The following DPH6 variants were observed in gnomAD, a reference collection of about 807,000 sequenced individuals.
The protein encoded by DPH6 is diphthine--ammonia ligase.
A neutral mutation model predicts 38.2 loss-of-function variants in DPH6; 33 were observed. The ratio of observed to expected loss-of-function variants is 0.86; its 90% confidence interval spans 0.65 to 1.15. DPH6 has a LOEUF of 1.15. Among genes scored for constraint, DPH6 ranks in the 50% most tolerant of loss-of-function variants. The probability of loss-of-function intolerance (pLI) is 0.00; values close to 1 mark genes in which losing one functional copy is unlikely to be tolerated. For synonymous variants in DPH6, 108 were observed against 103.0 expected, an observed-to-expected ratio of 1.05 and a Z score of -0.30; for missense variants, 325 against 320.0, an observed-to-expected ratio of 1.02 and a Z score of -0.12.
At chr15:35,390,012 C>T (rs1331585313) in intron 6 of DPH6, among the ~76,000 whole-genome samples, 1 of 152,162 alleles carries the variant, frequency 6.6e-6, no homozygotes, top group Non-Finnish European at 1.5e-5. Context: ...GTGCTTCCTT[C>T]AGGAGCTCTT....
At position 35,386,075 on chromosome 15, in the gene DPH6, C is replaced by T. The variant is rs556470912; in HGVS notation, c.568-4159G>A. Among the ~76,000 whole-genome samples the T allele has an allele frequency of 5.9e-5, 9 of 152,164 alleles. No homozygotes were observed. In the South Asian group the frequency reaches 1.9e-3, roughly 32 times the overall value. The stretch of plus-strand genomic sequence containing the variant: ...TGTGTTCTCTTTGTTCAATTCCCAC[C>T]TATGGGGTGAGAACATATGGTGTTT... On this transcript the variant is annotated intron_variant, in intron 6 of 8. Transcript: ENST00000256538.
chr15:35,164,734 T>C, the DPH6 span, among the ~76,000 whole-genome samples: 1 of 151,940 alleles, frequency 6.6e-6, no homozygotes, highest in East Asian at 1.9e-4. Context: ...TAACAGTGAA[T>C]GCCAACCAAA....
At chr15:35,222,503 C>T (rs756635134) in intron 3 of DPH6, among the ~76,000 whole-genome samples, 4 of 152,048 alleles carry the variant, frequency 2.6e-5, no homozygotes, top group Non-Finnish European at 5.9e-5. Context: ...GTAAAATGTA[C>T]AGTGGTTTGG....
At chr15:35,359,618 C>A (rs964759041) in intron 3 of DPH6, among the ~76,000 whole-genome samples, 21 of 152,292 alleles carry the variant, frequency 1.4e-4, no homozygotes, top group African/African-American at 5.1e-4. Context: ...AAGTCGGAAA[C>A]TTCTCCCATA....
intron 3 of DPH6, among the ~76,000 whole-genome samples, chr15:35,245,903 C>G (rs1194986611): frequency 1.3e-5 from 2 of 152,190 alleles, no homozygotes; most frequent in Non-Finnish European, 2.9e-5. Flanking sequence ...TGTCAGGCCT[C>G]TGGGCCCAAG....
chr15:35,496,567 A>AAAATAT lies in DPH6; in HGVS notation c.312+41706_312+41707insATATTT. Among the ~76,000 whole-genome samples, 39 of 31,006 alleles carry AAAATAT rather than the reference A, an allele frequency of 1.3e-3. 1 individual carries two copies. The highest frequency in any genetic ancestry group is 1.6e-3 in the Non-Finnish European group (31 of 19,036). The allele number at this position is 31,006 out of a possible 152,430, so 20.3% of individuals were successfully genotyped here. A position where few individuals can be genotyped will look rare whatever the true frequency, so the allele number is the denominator to read the frequency against. On this transcript the variant is annotated intron_variant, in intron 3 of 8. Coordinates refer to ENST00000256538, the MANE Select transcript of DPH6 (RefSeq NM_080650.4). ...GAAAGTTCCATCTCAAAAAAAAAAA[A>AAAATAT]ATATATATATATATATATATATATC...
intron 3 of DPH6, chr15:35,299,212 GC>G: frequency 7.7e-7 from 1 of 1,297,444 alleles, no homozygotes; most frequent in Non-Finnish European, 1.1e-6. Context: ...GGATCCTTCA[GC>G]CCAGCTGGCA....
At chr15:35,475,167 G>C (rs1159393250) in intron 3 of DPH6, among the ~76,000 whole-genome samples, 2 of 151,882 alleles carry the variant, frequency 1.3e-5, no homozygotes, top group Non-Finnish European at 1.5e-5. Context: ...AATAGAGAGA[G>C]GAAGGAGAGT....
intron 3 of DPH6, chr15:35,298,888 G>A: frequency 1.1e-6 from 1 of 948,808 alleles, no homozygotes; most frequent in South Asian, 1.3e-5. Flanking sequence ...AAAATCTCGG[G>A]GTAACTGTCT....
chr15:35,501,225 T>C (rs1309213838), intron 3 of DPH6, among the ~76,000 whole-genome samples: 1 of 152,186 alleles, frequency 6.6e-6, no homozygotes, highest in Non-Finnish European at 1.5e-5. Context: ...AGAAAAACAT[T>C]AGAGACTTAC....
At chr15:35,362,150 C>T (rs1267477721) in intron 3 of DPH6, among the ~76,000 whole-genome samples, 2 of 152,288 alleles carry the variant, frequency 1.3e-5, no homozygotes, top group Non-Finnish European at 2.9e-5. Flanking sequence ...CTGGGGATGC[C>T]TCTTTCCTGG....
chr15:35,485,212 A>G (rs1381494696), intron 3 of DPH6, among the ~76,000 whole-genome samples: 1 of 152,208 alleles, frequency 6.6e-6, no homozygotes, highest in Non-Finnish European at 1.5e-5. Context: ...AAAAAGTTCC[A>G]TGGGTGGTAG....
the DPH6 span, among the ~76,000 whole-genome samples, chr15:35,179,659 G>C: frequency 6.6e-6 from 1 of 152,144 alleles, no homozygotes; most frequent in African/African-American, 2.4e-5. Flanking sequence ...TACCTGTTGT[G>C]AAGAAAATAC....
intron 3 of DPH6, among the ~76,000 whole-genome samples, chr15:35,227,453 G>A (rs1463315102): frequency 6.6e-6 from 1 of 151,874 alleles, no homozygotes; most frequent in Non-Finnish European, 1.5e-5. Flanking sequence ...AAAGTGCTGG[G>A]ATTACAGGTG....
At chr15:35,225,435 A>T (rs917118529) in intron 3 of DPH6, among the ~76,000 whole-genome samples, 2 of 152,238 alleles carry the variant, frequency 1.3e-5, no homozygotes, top group African/African-American at 4.8e-5. Flanking sequence ...GGGATTATTT[A>T]TATCAGTATA....
At chr15:35,325,072 C>G (rs1398934394) in intron 3 of DPH6, among the ~76,000 whole-genome samples, 1 of 152,064 alleles carries the variant, frequency 6.6e-6, no homozygotes, top group Non-Finnish European at 1.5e-5. Flanking sequence ...CCCTTGATTT[C>G]TCTTTTTTGG....
chr15:35,521,813 A>G, intron 3 of DPH6: 1 of 1,258,624 alleles, frequency 7.9e-7, no homozygotes, highest in Middle Eastern at 3.0e-4. Flanking sequence ...ACTACATTGG[A>G]TAATAGCAGT....
At chr15:35,313,642 G>C (rs1246799699) in intron 3 of DPH6, among the ~76,000 whole-genome samples, 1 of 151,882 alleles carries the variant, frequency 6.6e-6, no homozygotes, top group Non-Finnish European at 1.5e-5. Context: ...CAGATTGTTT[G>C]TTGTTGGTGT....
At chr15:35,404,579 T>A (rs554787284) in intron 6 of DPH6, among the ~76,000 whole-genome samples, 1 of 152,298 alleles carries the variant, frequency 6.6e-6, no homozygotes, top group Non-Finnish European at 1.5e-5. Flanking sequence ...ATCATTAGAT[T>A]TTTTTCCTAT....
Sources: allele counts gnomAD v4.1 joint callset (sites outside exome capture counted in the v4.1 genomes callset), GRCh38; gene constraint gnomAD v4.1.1; transcripts MANE v1.5; gene names NCBI Gene and HGNC (gene_info 2026-07-23, HGNC 2026-07-21).